The following USP45 variants were observed in gnomAD, a reference collection of about 807,000 sequenced individuals.
USP45 encodes ubiquitin specific peptidase 45.
A neutral mutation model predicts 95.8 loss-of-function variants in USP45; 89 were observed. That is an observed-to-expected ratio of 0.93 (90% CI 0.78 to 1.11). The LOEUF (loss-of-function observed/expected upper bound fraction) is 1.11, where lower values mean the gene tolerates loss of function less well. Ranked by LOEUF, USP45 falls within the 50% of genes least tolerant of loss-of-function variation. The pLI is 0.00. For synonymous variants in USP45, 281 were observed against 316.2 expected, an observed-to-expected ratio of 0.89 and a Z score of 1.18; for missense variants, 898 against 942.5, an observed-to-expected ratio of 0.95 and a Z score of 0.62.
At chr6:99,450,866 A>G (rs1328551753) in intron 13 of USP45, among the ~76,000 whole-genome samples, 1 of 152,234 alleles carries the variant, frequency 6.6e-6, no homozygotes, top group Non-Finnish European at 1.5e-5. Flanking sequence ...CCTGGGATGC[A>G]AGGCTGGTTC....
At chr6:99,500,263 T>C (rs1797103975) in intron 5 of USP45, among the ~76,000 whole-genome samples, 1 of 152,198 alleles carries the variant, frequency 6.6e-6, no homozygotes, top group African/African-American at 2.4e-5. Flanking sequence ...TAGCTGGCGT[T>C]ACAGGAATGT....
chr6:99,456,744 G>T (rs559603471), intron 13 of USP45, among the ~76,000 whole-genome samples: 2 of 152,184 alleles, frequency 1.3e-5, no homozygotes, highest in Non-Finnish European at 2.9e-5. Flanking sequence ...TGTACAGCAT[G>T]TGTGTTTGAG....
At position 99,500,624 on chromosome 6, in the gene USP45, T is replaced by C. The variant is rs143377125; in HGVS notation, c.478+3141A>G. On this transcript the variant is annotated intron_variant, in intron 5 of 17. Coordinates refer to ENST00000500704, the MANE Select transcript of USP45 (RefSeq NM_001346022.3). ...TTCATCACCCATGCCATCATATCCC[T>C]GCCTATCTTCTTATTATGGCCAATG... 8.1e-3 allele frequency among the ~76,000 whole-genome samples: 1,230 copies of C among 152,300 alleles called. 16 individuals carry two copies. Among genetic ancestry groups the C allele is most frequent in the African/African-American group, 0.028 (1,178 of 41,564 alleles).
chr6:99,507,567 C>T, intron 3 of USP45, 36 bp from the exon 4 acceptor site: 2 of 1,381,418 alleles, frequency 1.4e-6, no homozygotes, highest in Non-Finnish European at 2.0e-6. Flanking sequence ...GTATGACTTA[C>T]AAATGTTTGT....
At chr6:99,457,596 T>C (rs1785392800) in intron 13 of USP45, among the ~76,000 whole-genome samples, 1 of 152,196 alleles carries the variant, frequency 6.6e-6, no homozygotes, top group South Asian at 2.1e-4. Context: ...TAATGGTCAA[T>C]GGAAAATATA....
rs1474889443 is a variant in USP45, at chr6:99,433,537, GA to G, written c.*2178del. ...TCTCTGTTACAAAAGCTATCTTTAG[GA>G]AATTCTTAAGTATCAAAAATCCAAT... On this transcript the variant is annotated 3_prime_UTR_variant, in exon 18 of 18. Transcript: ENST00000500704. 2 of 152,346 alleles carry G rather than the reference GA, an allele frequency of 1.3e-5. No individual in the cohort carries two copies. The highest frequency in any genetic ancestry group is 2.9e-5 in the Non-Finnish European group (2 of 68,014). 9.4% of individuals were successfully genotyped at this position (152,346 alleles called of 1,614,324 possible).
At chr6:99,481,367 CTA>C (rs1215925330) in intron 8 of USP45, among the ~76,000 whole-genome samples, 3 of 152,128 alleles carry the variant, frequency 2.0e-5, no homozygotes, top group Admixed American at 6.5e-5. Context: ...GAATTTTTAT[CTA>C]TGAGTGCCCA....
At chr6:99,510,261 A>G in intron 1 of USP45, 31 bp from the exon 2 acceptor site, 1 of 1,491,862 alleles carries the variant, frequency 6.7e-7, no homozygotes, top group Non-Finnish European at 9.2e-7. Context: ...AAATTCATAC[A>G]TTTTAGTCTT....
intron 6 of USP45, 151 bp downstream of exon 6, chr6:99,488,530 T>C (rs1794499879): frequency 5.9e-6 from 5 of 840,694 alleles, no homozygotes; most frequent in South Asian, 1.8e-5. Context: ...TGTATACATA[T>C]GGTGATGGCC....
rs1164243103 is a variant in USP45, at chr6:99,466,606, G to T, written c.1107+66C>A. The T allele has an allele frequency of 3.0e-6, 4 of 1,330,966 alleles. No individual in the cohort carries two copies. In the East Asian group the frequency reaches 9.3e-5, roughly 31 times the overall value. The allele number at this position is 1,330,966 out of a possible 1,614,324, so 82.4% of individuals were successfully genotyped here. ...TGACTGCCAATGATTATATGTGAAA[G>T]AAAATATAATAAAAATGATGTGATT... On this transcript the variant is annotated intron_variant, in intron 11 of 17. Transcript: ENST00000500704.
At chr6:99,488,109 T>C (rs1794390206) in intron 7 of USP45, 91 bp downstream of exon 7, 4 of 788,224 alleles carry the variant, frequency 5.1e-6, no homozygotes, top group Admixed American at 4.9e-5. Flanking sequence ...GCTACTATCT[T>C]AGTTGACTGA....
Position 99,436,214 on chromosome 6 carries a change from T to C in USP45, c.2315-368A>G, listed in dbSNP as rs142372646. ...CCCTCCCTGTGTCCATGTGTACTCA[T>C]TAGAACAAATTCTTTCAAAGCATTA... is the stretch of plus-strand genomic sequence containing the variant. On this transcript the variant is annotated intron_variant, in intron 17 of 17. Coordinates refer to ENST00000500704, the MANE Select transcript of USP45 (RefSeq NM_001346022.3). Among the ~76,000 whole-genome samples, 1,122 of 151,660 alleles carry C rather than the reference T, an allele frequency of 7.4e-3. 14 individuals are homozygous for C. The highest frequency in any genetic ancestry group is 0.026 in the African/African-American group (1,062 of 41,364).
Position 99,464,636 on chromosome 6 carries a change from C to T in USP45, c.1276G>A (p.Ala426Thr). Residue 426 changes from alanine to threonine, a missense_variant, in exon 13 of 18, where the codon GCT becomes ACT. Physicochemically the swap from Ala to Thr is moderately conservative, Grantham distance 58. Coordinates refer to ENST00000500704, the MANE Select transcript of USP45 (RefSeq NM_001346022.3). ...TTAGATGAAGAATGCTTCTTGGCAGCTCTAGGTTGATGAATATTTTCTATA... is the reference window on the plus strand; with the variant it reads ...TTAGATGAAGAATGCTTCTTGGCAGTTCTAGGTTGATGAATATTTTCTATA... ...VTIENIHQPR[A>T]AKKHSSSKDK... 1 of 1,613,324 alleles carries T rather than the reference C, an allele frequency of 6.2e-7. No homozygotes were observed.
upstream of USP45, among the ~76,000 whole-genome samples, chr6:99,516,510 C>G (rs1283388508): frequency 6.6e-6 from 1 of 152,172 alleles, no homozygotes; most frequent in Non-Finnish European, 1.5e-5. Flanking sequence ...ATGTGGAGAA[C>G]TTGGCAAAGA....
Position 99,434,786 on chromosome 6 carries a change from T to C in USP45, c.*930A>G, listed in dbSNP as rs1780207433. 6.6e-6 allele frequency: 1 copy of C among 152,216 alleles called. No homozygotes were observed. Among genetic ancestry groups the C allele is most frequent in the Non-Finnish European group, 1.5e-5 (1 of 68,018 alleles). The allele number at this position is 152,216 out of a possible 1,614,324, so 9.4% of individuals were successfully genotyped here. Reference sequence around the variant, plus strand: ...TTTACAAATATAATTTGGTAATTTATATTTCAAAGCTATCCTATGGTCCTA... The same window carrying C: ...TTTACAAATATAATTTGGTAATTTACATTTCAAAGCTATCCTATGGTCCTA... On this transcript the variant is annotated 3_prime_UTR_variant, in exon 18 of 18. Transcript: ENST00000500704.
At chr6:99,489,395 AG>A (rs1794687420) in intron 5 of USP45, among the ~76,000 whole-genome samples, 1 of 152,238 alleles carries the variant, frequency 6.6e-6, no homozygotes, top group Non-Finnish European at 1.5e-5. Context: ...TTTTTAAATG[AG>A]AAAAAGTAGG....
chr6:99,473,467 A>C (rs1789965197), intron 9 of USP45, among the ~76,000 whole-genome samples: 1 of 152,126 alleles, frequency 6.6e-6, no homozygotes, highest in African/African-American at 2.4e-5. Flanking sequence ...GAATCACTTG[A>C]ACCCAGGAGG....
chr6:99,504,354 G>A (rs1333081853), intron 4 of USP45, among the ~76,000 whole-genome samples: 1 of 152,118 alleles, frequency 6.6e-6, no homozygotes, highest in Non-Finnish European at 1.5e-5. Context: ...TGGTCAGACT[G>A]GTCTCGAATG....
At chr6:99,450,522 T>C (rs1783617162) in intron 13 of USP45, among the ~76,000 whole-genome samples, 1 of 152,182 alleles carries the variant, frequency 6.6e-6, no homozygotes, top group African/African-American at 2.4e-5. Flanking sequence ...TAACAGGCTC[T>C]GAAATAGAGG....
Sources: allele counts gnomAD v4.1 joint callset (sites outside exome capture counted in the v4.1 genomes callset), GRCh38; gene constraint gnomAD v4.1.1; transcripts MANE v1.5; gene names NCBI Gene and HGNC (gene_info 2026-07-23, HGNC 2026-07-21).